TAFA1: variants seen among roughly 807,000 people sequenced by gnomAD.
The protein encoded by TAFA1 is TAFA chemokine like family member 1.
TAFA1 carries 4 observed loss-of-function variants against 18.5 expected under a neutral mutation model. The observed-to-expected ratio is 0.22, with a 90% confidence interval of 0.11 to 0.49. The LOEUF is 0.49. TAFA1 is among the 20% of genes least tolerant of loss of function. The pLI is 0.98. For synonymous variants in TAFA1, 56 were observed against 55.2 expected (o/e 1.01, Z -0.06); for missense variants, 147 against 169.0 (o/e 0.87, Z 0.72).
At chr3:68,281,718 A>G (rs2067900786) in intron 2 of TAFA1, among the ~76,000 whole-genome samples, 1 of 152,082 alleles carries the variant, frequency 6.6e-6, no homozygotes, top group African/African-American at 2.4e-5. Context: ...TCGGTCTCCC[A>G]AAGTGCTGGG....
chr3:68,312,766 T>A (rs2068541699), intron 2 of TAFA1, among the ~76,000 whole-genome samples: 1 of 152,216 alleles, frequency 6.6e-6, no homozygotes, highest in Non-Finnish European at 1.5e-5. Context: ...AGTTTGAAAG[T>A]CTCTTCCACA....
At chr3:68,385,724 CT>C (rs1028491444) in intron 2 of TAFA1, among the ~76,000 whole-genome samples, 30 of 150,816 alleles carry the variant, frequency 2.0e-4, no homozygotes, top group African/African-American at 6.6e-4. Context: ...TACTTGCCTC[CT>C]TTTTTTTTAA....
At chr3:68,020,079 A>G (rs1023165102) in intron 2 of TAFA1, among the ~76,000 whole-genome samples, 1 of 152,232 alleles carries the variant, frequency 6.6e-6, no homozygotes, top group Non-Finnish European at 1.5e-5. Context: ...TAAGTGCCCT[A>G]CATGGACTTA....
At chr3:68,471,574 A>G in intron 3 of TAFA1, among the ~76,000 whole-genome samples, 1 of 152,194 alleles carries the variant, frequency 6.6e-6, no homozygotes, top group South Asian at 2.1e-4. Context: ...AGAAGCATCC[A>G]GCATGAGAGA....
At chr3:68,385,356 T>A (rs184127643) in intron 2 of TAFA1, among the ~76,000 whole-genome samples, 16 of 152,124 alleles carry the variant, frequency 1.1e-4, no homozygotes, top group Admixed American at 8.5e-4. Flanking sequence ...ACTAAAGTAC[T>A]TGCTAAACCA....
chr3:68,116,115 C>G (rs947232668), intron 2 of TAFA1, among the ~76,000 whole-genome samples: 1 of 152,050 alleles, frequency 6.6e-6, no homozygotes, highest in African/African-American at 2.4e-5. Flanking sequence ...ATTAGCCTGG[C>G]ATGGTGGCGG....
At chr3:68,003,414 C>T (rs1341822866), upstream of TAFA1, among the ~76,000 whole-genome samples, 1 of 152,186 alleles carries the variant, frequency 6.6e-6, no homozygotes, top group Non-Finnish European at 1.5e-5. Context: ...TAGACAGTAT[C>T]ATCTATAACA....
At chr3:68,176,364 C>G (rs773441575) in intron 2 of TAFA1, among the ~76,000 whole-genome samples, 7 of 152,064 alleles carry the variant, frequency 4.6e-5, no homozygotes, top group Non-Finnish European at 1.0e-4. Context: ...TCCCTGTGGT[C>G]CTAGCTATTT....
intron 2 of TAFA1, among the ~76,000 whole-genome samples, chr3:68,254,105 C>CTATTTATGTATGTATG (rs2067247658): frequency 6.9e-6 from 1 of 145,096 alleles, no homozygotes; most frequent in African/African-American, 2.7e-5. Context: ...ATCTACCTGT[C>CTATTTATGTATGTATG]TATGTATGTA....
intron 2 of TAFA1, among the ~76,000 whole-genome samples, chr3:68,253,385 A>G (rs1413524545): frequency 6.6e-6 from 1 of 152,162 alleles, no homozygotes; most frequent in Non-Finnish European, 1.5e-5. Context: ...CCAGTCTTCT[A>G]TGATCACAGA....
chr3:68,509,542 A>G (rs1017343385), intron 3 of TAFA1, among the ~76,000 whole-genome samples: 1 of 152,176 alleles, frequency 6.6e-6, no homozygotes, highest in African/African-American at 2.4e-5. Flanking sequence ...ATGTAAATCA[A>G]GTGAAAATAG....
At chr3:68,481,596 T>G (rs1469788297) in intron 3 of TAFA1, among the ~76,000 whole-genome samples, 1 of 152,236 alleles carries the variant, frequency 6.6e-6, no homozygotes, top group Non-Finnish European at 1.5e-5. Context: ...TTAACATTAC[T>G]GAAACTCTTT....
At chr3:68,528,853 G>A (rs1575953958) in intron 3 of TAFA1, among the ~76,000 whole-genome samples, 1 of 152,042 alleles carries the variant, frequency 6.6e-6, no homozygotes, top group Non-Finnish European at 1.5e-5. Flanking sequence ...TGCCTTTTTG[G>A]TTTGGCATGA....
At chr3:68,194,376 G>A (rs1245701995) in intron 2 of TAFA1, among the ~76,000 whole-genome samples, 3 of 151,730 alleles carry the variant, frequency 2.0e-5, no homozygotes, top group East Asian at 3.9e-4. Flanking sequence ...AGATTTTTCC[G>A]GTGTGCAAGA....
chr3:67,992,071 G>A, the TAFA1 span, among the ~76,000 whole-genome samples: 2 of 152,206 alleles, frequency 1.3e-5, no homozygotes, highest in African/African-American at 4.8e-5. Context: ...TGAAATGTGA[G>A]TGGAAGGGAT....
At chr3:68,293,243 C>T (rs1023982072) in intron 2 of TAFA1, among the ~76,000 whole-genome samples, 1 of 152,164 alleles carries the variant, frequency 6.6e-6, no homozygotes, top group African/African-American at 2.4e-5. Flanking sequence ...GCATCAGGAT[C>T]TTCACATGCT....
chr3:68,121,837 G>C (rs1274591172), intron 2 of TAFA1, among the ~76,000 whole-genome samples: 1 of 152,088 alleles, frequency 6.6e-6, no homozygotes, highest in Non-Finnish European at 1.5e-5. Flanking sequence ...CTTACTTAAA[G>C]TATCTGTAAT....
At chr3:68,090,070 A>C (rs2065013899) in intron 2 of TAFA1, among the ~76,000 whole-genome samples, 1 of 152,202 alleles carries the variant, frequency 6.6e-6, no homozygotes, top group East Asian at 1.9e-4. Flanking sequence ...TCATTCGTTC[A>C]ATCACCAAAG....
intron 2 of TAFA1, among the ~76,000 whole-genome samples, chr3:68,283,137 A>T (rs557729740): frequency 6.6e-6 from 1 of 152,334 alleles, no homozygotes; most frequent in Admixed American, 6.5e-5. Flanking sequence ...GCTTTATGAT[A>T]ATAGAGAATT....
Sources: allele counts gnomAD v4.1 joint callset (sites outside exome capture counted in the v4.1 genomes callset), GRCh38; gene constraint gnomAD v4.1.1; transcripts MANE v1.5; gene names NCBI Gene and HGNC (gene_info 2026-07-23, HGNC 2026-07-21).